The following NR5A1 variants were observed in gnomAD, a reference collection of about 807,000 sequenced individuals.
The protein encoded by NR5A1 is steroidogenic factor 1.
In NR5A1, 6 loss-of-function variants were observed where a neutral mutation model predicts 42.7. The observed-to-expected ratio is 0.14, with a 90% confidence interval of 0.08 to 0.28. The LOEUF is 0.28. Among genes scored for constraint, NR5A1 ranks in the 10% least tolerant of loss-of-function variants. The pLI is 1.00. For missense variants in NR5A1, 442 were observed against 626.4 expected, an observed-to-expected ratio of 0.71 and a Z score of 3.14; for synonymous variants, 274 against 277.5, an observed-to-expected ratio of 0.99 and a Z score of 0.12.
rs778335080 is a variant in NR5A1 at position 124,491,071 on chromosome 9, C to T, written c.1138+10G>A. On this transcript the variant is annotated intron_variant, in intron 6 of 6. Transcript: ENST00000373588. ...TGTCTCCACCTCTCTGTCACTGGAG[C>T]TGCACTCACCCAGGCTGAAGAGGAT... 1.6e-5 allele frequency: 21 copies of T among 1,332,386 alleles called. No homozygotes were observed. Among genetic ancestry groups the T allele is most frequent in the Non-Finnish European group, 2.0e-5 (20 of 1,007,808 alleles). The allele number at this position is 1,332,386 out of a possible 1,614,324, so 82.5% of individuals were successfully genotyped here.
At chr9:124,494,963 C>T (rs1564150908) in intron 4 of NR5A1, among the ~76,000 whole-genome samples, 1 of 152,190 alleles carries the variant, frequency 6.6e-6, no homozygotes, top group African/African-American at 2.4e-5. Context: ...CTCTCTGTTC[C>T]CCTTCTCTCC....
intron 6 of NR5A1, among the ~76,000 whole-genome samples, chr9:124,485,076 G>A (rs1180947682): frequency 6.6e-6 from 1 of 152,142 alleles, no homozygotes; most frequent in Non-Finnish European, 1.5e-5. Context: ...CTCCTCCCTG[G>A]AGGGGGAGAG....
At chr9:124,489,577 T>C (rs1432691276) in intron 6 of NR5A1, among the ~76,000 whole-genome samples, 1 of 152,156 alleles carries the variant, frequency 6.6e-6, no homozygotes, top group African/African-American at 2.4e-5. Flanking sequence ...CACGCACATC[T>C]GTGACTCTAT....
chr9:124,495,333 G>A (rs1359314795), intron 4 of NR5A1, among the ~76,000 whole-genome samples: 4 of 152,196 alleles, frequency 2.6e-5, no homozygotes, highest in Admixed American at 2.6e-4. Flanking sequence ...AAGGCTCAGA[G>A]GGCACCTATC....
Position 124,503,402 on chromosome 9 carries a change from G to A in NR5A1, c.-7C>T, listed in dbSNP as rs989611741. On this transcript the variant is annotated 5_prime_UTR_variant, in exon 2 of 7. Coordinates refer to ENST00000373588, the MANE Select transcript of NR5A1 (RefSeq NM_004959.5). The surrounding 1 kb of genome is among the most constrained non-coding windows in gnomAD (Gnocchi z 9.6). ...CGTCGTACGAATAGTCCATGCCCGC[G>A]GCGTCCGCCTGCGGAGGGACAGCGG... 5 of 1,604,914 alleles carry A rather than the reference G, an allele frequency of 3.1e-6. No individual in the cohort carries two copies. In the Admixed American group the frequency reaches 5.1e-5, roughly 16 times the overall value.
chr9:124,491,036 C>CCCCCCCCCCGGGGGGG, intron 6 of NR5A1, 45 bp downstream of exon 6: 6 of 1,401,600 alleles, frequency 4.3e-6, no homozygotes, highest in East Asian at 3.0e-5. Context: ...CCCACCCACC[C>CCCCCCCCCCGGGGGGG]GCCTCTGGCT....
intron 1 of NR5A1, among the ~76,000 whole-genome samples, chr9:124,506,557 T>C (rs1295508322): frequency 6.6e-6 from 1 of 152,152 alleles, no homozygotes; most frequent in African/African-American, 2.4e-5. Context: ...CGAGGTCTCC[T>C]GGAAACCTGG....
chr9:124,505,713 C>A (rs758105902), intron 1 of NR5A1, among the ~76,000 whole-genome samples: 2 of 152,116 alleles, frequency 1.3e-5, no homozygotes, highest in Non-Finnish European at 2.9e-5. Flanking sequence ...CCTCTACGGG[C>A]GCAGGAGCTG....
At chr9:124,505,242 C>T (rs1007423615) in intron 1 of NR5A1, among the ~76,000 whole-genome samples, 1 of 152,240 alleles carries the variant, frequency 6.6e-6, no homozygotes, top group African/African-American at 2.4e-5. Flanking sequence ...CCTTGGGTCA[C>T]CCGCCTGCAG....
chr9:124,492,302 G>GT (rs1832327332), intron 5 of NR5A1, among the ~76,000 whole-genome samples: 1 of 146,870 alleles, frequency 6.8e-6, no homozygotes, highest in African/African-American at 2.5e-5. Context: ...CCGTGGCTGT[G>GT]CCCCCGTGTC....
intron 6 of NR5A1, 45 bp downstream of exon 6, chr9:124,491,036 C>CCCCCCCCAGGGGGGG: frequency 1.3e-5 from 18 of 1,401,594 alleles, no homozygotes; most frequent in Non-Finnish European, 1.5e-5. Context: ...CCCACCCACC[C>CCCCCCCCAGGGGGGG]GCCTCTGGCT....
Position 124,500,873 on chromosome 9 carries a change from T to G in NR5A1, c.245-158A>C. ...ACAGGGGAAGTCAGTCTCCTTTGCCTGGCATTCAAGGCCCTGCTCAGCTTT... is the reference window on the plus strand; with the variant it reads ...ACAGGGGAAGTCAGTCTCCTTTGCCGGGCATTCAAGGCCCTGCTCAGCTTT... On this transcript the variant is annotated intron_variant, in intron 3 of 6. Coordinates refer to ENST00000373588, the MANE Select transcript of NR5A1 (RefSeq NM_004959.5). The surrounding 1 kb of genome is among the most constrained non-coding windows in gnomAD (Gnocchi z 6.9). 8.2e-7 allele frequency: 1 copy of G among 1,213,490 alleles called. No homozygotes were observed. 75.2% of individuals were successfully genotyped at this position (1,213,490 alleles called of 1,614,324 possible).
rs1355900340 is a variant in NR5A1 at position 124,482,453 on chromosome 9, T to A, written c.*305A>T. The A allele has an allele frequency of 2.3e-6, 1 of 435,218 alleles. No individual in the cohort carries two copies. The highest frequency in any genetic ancestry group is 2.0e-5 in the African/African-American group (1 of 48,912). 27.0% of individuals were successfully genotyped at this position (435,218 alleles called of 1,614,324 possible). On this transcript the variant is annotated 3_prime_UTR_variant, in exon 7 of 7. Transcript: ENST00000373588. ...CTCCCCGGACCTGCAGGCTTCAGAC[T>A]CCAGGAGAGAGAGCTGGGAGCAGGG...
chr9:124,503,158 G>A lies in NR5A1; in HGVS notation c.165C>T (p.Cys55=). 6.2e-7 allele frequency: 1 copy of A among 1,600,174 alleles called. No individual in the cohort carries two copies. The highest frequency in any genetic ancestry group is 1.1e-5 in the South Asian group (1 of 88,814). Residue 55 remains cysteine, a synonymous_variant, in exon 3 of 7, where the codon TGC becomes TGT. Coordinates refer to ENST00000373588, the MANE Select transcript of NR5A1 (RefSeq NM_004959.5). This position sits in a 1 kb window ranked among gnomAD's most constrained non-coding sequence, Gnocchi z 9.6. ...KHYTCTESQS[C]KIDKTQRKRC... is the part of the protein sequence containing the mutation. ...GCTTGCGCTGCGTCTTGTCGATCTT[G>A]CAGCTCTGGCTCTCGGTGCACGTGT... is the stretch of plus-strand genomic sequence containing the variant.
chr9:124,490,049 C>T (rs1033130253), intron 6 of NR5A1, among the ~76,000 whole-genome samples: 1 of 152,210 alleles, frequency 6.6e-6, no homozygotes, highest in Admixed American at 6.5e-5. Context: ...ATGCCAGCCA[C>T]CAAGACAATA....
intron 6 of NR5A1, among the ~76,000 whole-genome samples, chr9:124,487,067 A>G (rs1381645721): frequency 6.6e-6 from 1 of 152,214 alleles, no homozygotes; most frequent in Non-Finnish European, 1.5e-5. Flanking sequence ...GCGCCCCCCA[A>G]GCCCGCTCAG....
intron 4 of NR5A1, among the ~76,000 whole-genome samples, chr9:124,494,558 C>T (rs145728571): frequency 3.9e-5 from 6 of 152,342 alleles, no homozygotes; most frequent in Non-Finnish European, 7.4e-5. Context: ...TCTGGGGAGG[C>T]AGAACTGGTG....
Position 124,496,147 on chromosome 9 carries a change from C to A in NR5A1, c.871-2998G>T, listed in dbSNP as rs956049692. Among the ~76,000 whole-genome samples the A allele has an allele frequency of 6.6e-6, 1 of 151,672 alleles. No individual in the cohort carries two copies. Among genetic ancestry groups the A allele is most frequent in the African/African-American group, 2.4e-5 (1 of 41,170 alleles). ...GTGGACAGATGGATGCATAAAGACA[C>A]CAAACTCCAAAACACTCCCCACACA... On this transcript the variant is annotated intron_variant, in intron 4 of 6. Transcript: ENST00000373588. The surrounding 1 kb of genome is among the most constrained non-coding windows in gnomAD (Gnocchi z 5.0).
intron 3 of NR5A1, 90 bp downstream of exon 3, chr9:124,502,989 T>C (rs1029394448): frequency 4.2e-6 from 6 of 1,425,002 alleles, no homozygotes; most frequent in Non-Finnish European, 5.6e-6. Context: ...CGAAGGCCAA[T>C]GGTACTATCC....
Sources: allele counts gnomAD v4.1 joint callset (sites outside exome capture counted in the v4.1 genomes callset), GRCh38; gene constraint gnomAD v4.1.1; non-coding constraint Gnocchi (gnomAD v3.1); transcripts MANE v1.5; gene names NCBI Gene and HGNC (gene_info 2026-07-23, HGNC 2026-07-21).